Variants in MMP15 observed in about 807,000 individuals in gnomAD.
MMP15 encodes the protein matrix metalloproteinase-15.
MMP15 carries 36 observed loss-of-function variants against 65.0 expected under a neutral mutation model. That is an observed-to-expected ratio of 0.55 (90% confidence interval 0.42 to 0.73). MMP15 has a LOEUF of 0.73. Ranked by LOEUF, MMP15 falls within the 30% of genes least tolerant of loss-of-function variation. The probability of loss-of-function intolerance (pLI) is 0.00; values close to 1 mark genes in which losing one functional copy is unlikely to be tolerated. For synonymous variants in MMP15, 428 were observed against 410.2 expected, an observed-to-expected ratio of 1.04 and a Z score of -0.52; for missense variants, 870 against 987.8, an observed-to-expected ratio of 0.88 and a Z score of 1.60.
rs199777969 is a variant in MMP15, at chr16:58,045,248, G to C, written c.1812G>C (p.Gly604=). The C allele has an allele frequency of 1.4e-4, 229 of 1,607,256 alleles. No homozygotes were observed. In the East Asian group the frequency reaches 4.0e-3, roughly 28 times the overall value. The change falls in exon 10 of 10, where the codon GGG becomes GGC. Residue 604 remains glycine (G), a synonymous_variant. Transcript: ENST00000219271. ...VGDGDGDFGA[G]VNKDGGSRVV... ...ATGGGGATGGGGACTTTGGGGCCGGGGTCAACAAGGACGGGGGCAGCCGCG... is the reference window on the plus strand; with the variant it reads ...ATGGGGATGGGGACTTTGGGGCCGGCGTCAACAAGGACGGGGGCAGCCGCG...
At position 58,038,387 on chromosome 16, in the gene MMP15, A is replaced by G. The variant is rs759686567; in HGVS notation, c.433A>G (p.Thr145Ala). ...TGRKWNNHHLTFSIQNYTEKL... is the reference protein window; with the variant it reads ...TGRKWNNHHLAFSIQNYTEKL... ...GAGGAAGTGGAACAACCACCATCTG[A>G]CCTTTAGGTAGGGGGCTCAGCTGCC... The change falls in exon 3 of 10, where the codon ACC becomes GCC. Residue 145 changes from threonine (T) to alanine (A), a missense_variant. Transcript: ENST00000219271. 2 of 1,613,806 alleles carry G rather than the reference A, an allele frequency of 1.2e-6. No homozygotes were observed. Among genetic ancestry groups the G allele is most frequent in the South Asian group, 2.2e-5 (2 of 91,080 alleles).
chr16:58,041,609 C>T lies in MMP15; in HGVS notation c.911-8C>T, dbSNP rs1959454949. ...AGACCTCACTTCTGAACCCCTGCCT[C>T]TCTGCAGGTACCCCAGACGGTCAGC... On this transcript the variant is annotated splice_polypyrimidine_tract_variant and splice_region_variant and intron_variant, in intron 5 of 9. Coordinates refer to ENST00000219271, the MANE Select transcript of MMP15 (RefSeq NM_002428.4). 3.8e-6 allele frequency: 6 copies of T among 1,570,780 alleles called. No homozygotes were observed. The highest frequency in any genetic ancestry group is 5.2e-6 in the Non-Finnish European group (6 of 1,159,098).
At chr16:58,035,723 T>C (rs2142326546) in intron 1 of MMP15, among the ~76,000 whole-genome samples, 1 of 152,326 alleles carries the variant, frequency 6.6e-6, no homozygotes, top group East Asian at 1.9e-4. Context: ...TGGTGGTTTC[T>C]CAGCTCTGCA....
intron 4 of MMP15, among the ~76,000 whole-genome samples, 170 bp downstream of exon 4, chr16:58,040,352 G>A (rs1959426809): frequency 6.6e-6 from 1 of 152,208 alleles, no homozygotes; most frequent in Non-Finnish European, 1.5e-5. Context: ...ATCTCCAAGG[G>A]GAGGCGAGAA....
chr16:58,026,544 G>T, intron 1 of MMP15, 32 bp downstream of exon 1: 1 of 1,300,086 alleles, frequency 7.7e-7, no homozygotes, highest in Non-Finnish European at 9.8e-7. Context: ...TTGGCTGCGG[G>T]CTGGGGGCTT....
chr16:58,025,808 C>T lies in MMP15; in HGVS notation c.-543C>T, dbSNP rs532168508. On this transcript the variant is annotated 5_prime_UTR_variant, in exon 1 of 10. Coordinates refer to ENST00000219271, the MANE Select transcript of MMP15 (RefSeq NM_002428.4). ...CTGAACTCGCCGGGGACGTCGGGCG[C>T]CCGCTCCTTGGCTGGCTCGCTTGCT... 3 of 151,940 alleles carry T rather than the reference C, an allele frequency of 2.0e-5. No homozygotes were observed. The highest frequency in any genetic ancestry group is 4.4e-5 in the Non-Finnish European group (3 of 67,908). The allele number at this position is 151,940 out of a possible 1,614,324, so 9.4% of individuals were successfully genotyped here.
chr16:58,038,237 G>T (rs775147676), intron 2 of MMP15, 29 bp from the exon 3 acceptor site: 8 of 1,610,650 alleles, frequency 5.0e-6, no homozygotes, highest in South Asian at 1.1e-5. Flanking sequence ...GGGAGGCTCC[G>T]TGCTCACCCC....
At position 58,043,339 on chromosome 16, in the gene MMP15, C is replaced by A. The variant is rs1179208851; in HGVS notation, c.1433C>A (p.Thr478Asn). The change falls in exon 8 of 10, where the codon ACC becomes AAC. Residue 478 changes from threonine (T) to asparagine (N), a missense_variant. By Grantham distance (65) the Thr-to-Asn change is moderately conservative. Transcript: ENST00000219271. ...TAIWWEPTGHTFFFQEDRYWR... is the reference protein window; with the variant it reads ...TAIWWEPTGHNFFFQEDRYWR... The stretch of plus-strand genomic sequence containing the variant: ...ATCTGGTGGGAGCCCACAGGCCACA[C>A]CTTCTTCTTCCAAGAGGACAGGTGA... The A allele has an allele frequency of 1.2e-6, 2 of 1,605,446 alleles. No individual in the cohort carries two copies. Among genetic ancestry groups the A allele is most frequent in the Non-Finnish European group, 1.7e-6 (2 of 1,175,016 alleles).
rs373635835 is a variant in MMP15 at position 58,026,358 on chromosome 16, G to C, written c.8G>C (p.Ser3Thr). The C allele has an allele frequency of 2.2e-6, 3 of 1,356,950 alleles. No homozygotes were observed. Among genetic ancestry groups the C allele is most frequent in the African/African-American group, 3.1e-5 (2 of 65,156 alleles). 84.1% of individuals were successfully genotyped at this position (1,356,950 alleles called of 1,614,324 possible). A position where few individuals can be genotyped will look rare whatever the true frequency, so the allele number is the denominator to read the frequency against. The change falls in exon 1 of 10, where the codon AGC (serine) becomes ACC (threonine). Residue 3 changes from serine to threonine, a missense_variant. By Grantham distance (58) the Ser-to-Thr change is moderately conservative (BLOSUM62 1). Coordinates refer to ENST00000219271, the MANE Select transcript of MMP15 (RefSeq NM_002428.4). MG[S>T]DPSAPGRPGW... ...GGGCTGGGCGCCGAGAGCATGGGCAGCGACCCGAGCGCGCCCGGACGGCCG... is the reference window on the plus strand; with the variant it reads ...GGGCTGGGCGCCGAGAGCATGGGCACCGACCCGAGCGCGCCCGGACGGCCG...
intron 5 of MMP15, chr16:58,040,985 T>G: frequency 2.0e-6 from 1 of 504,238 alleles, no homozygotes; most frequent in Non-Finnish European, 3.6e-6. Context: ...CTTGGCAGTA[T>G]TCTTACTAGA....
intron 1 of MMP15, among the ~76,000 whole-genome samples, chr16:58,028,543 C>G (rs577444132): frequency 6.6e-5 from 10 of 152,316 alleles, no homozygotes; most frequent in African/African-American, 2.4e-4. Flanking sequence ...GCCCATCTGC[C>G]GGGGGCTGTG....
chr16:58,043,752 C>T (rs1257671751), intron 9 of MMP15, 125 bp downstream of exon 9: 22 of 672,630 alleles, frequency 3.3e-5, no homozygotes, highest in African/African-American at 1.1e-4. Flanking sequence ...AGCTGTGTCA[C>T]GCTCTGGGCT....
intron 1 of MMP15, among the ~76,000 whole-genome samples, 176 bp downstream of exon 1, chr16:58,026,688 G>C (rs1296779236): frequency 6.6e-6 from 1 of 152,194 alleles, no homozygotes; most frequent in Non-Finnish European, 1.5e-5. Context: ...CCTCTGCAGC[G>C]CACCTCTTCG....
rs1214031275 is a variant in MMP15, at chr16:58,042,223, C to T, written c.1165-8C>T. ...CTGCGCTGCCCGCTCACACTATGCCCTCCCCAGGGCCGCTGGTTCTGGCGA... is the reference window on the plus strand; with the variant it reads ...CTGCGCTGCCCGCTCACACTATGCCTTCCCCAGGGCCGCTGGTTCTGGCGA... On this transcript the variant is annotated splice_region_variant and splice_polypyrimidine_tract_variant and intron_variant, in intron 6 of 9. Coordinates refer to ENST00000219271, the MANE Select transcript of MMP15 (RefSeq NM_002428.4). The T allele has an allele frequency of 6.2e-7, 1 of 1,611,990 alleles. No homozygotes were observed. The highest frequency in any genetic ancestry group is 1.1e-5 in the South Asian group (1 of 90,854).
rs1242863199 is a variant in MMP15 at position 58,045,183 on chromosome 16, G to A, written c.1747G>A (p.Ala583Thr). 2 of 1,592,438 alleles carry A rather than the reference G, an allele frequency of 1.3e-6. No individual in the cohort carries two copies. The highest frequency in any genetic ancestry group is 1.1e-5 in the South Asian group (1 of 88,532). Residue 583 changes from alanine to threonine, a missense_variant, in exon 10 of 10, where the codon GCA becomes ACA. Ala to Thr is a moderately conservative substitution (Grantham distance 58, BLOSUM62 0). Coordinates refer to ENST00000219271, the MANE Select transcript of MMP15 (RefSeq NM_002428.4). ...GCCGCCCTTCAACCCCCACGGGGGTGCAGAGCCCGGGGCGGACAGCGCAGA... is the reference window on the plus strand; with the variant it reads ...GCCGCCCTTCAACCCCCACGGGGGTACAGAGCCCGGGGCGGACAGCGCAGA... ...ARPPFNPHGGAEPGADSAEGD... is the reference protein window; with the variant it reads ...ARPPFNPHGGTEPGADSAEGD...
intron 5 of MMP15, chr16:58,041,006 C>T (rs548664705): frequency 4.2e-6 from 2 of 471,540 alleles, no homozygotes; most frequent in Non-Finnish European, 7.8e-6. Context: ...CCACAAGTGC[C>T]TGGGGGATCC....
intron 1 of MMP15, among the ~76,000 whole-genome samples, chr16:58,029,893 C>T (rs907492423): frequency 6.6e-6 from 1 of 152,078 alleles, no homozygotes; most frequent in East Asian, 1.9e-4. Flanking sequence ...ACACTGCAGG[C>T]GTGGAAAAGC....
chr16:58,028,634 C>G (rs1963856999), intron 1 of MMP15, among the ~76,000 whole-genome samples: 1 of 152,218 alleles, frequency 6.6e-6, no homozygotes, highest in African/African-American at 2.4e-5. Flanking sequence ...ATCCTCACCC[C>G]AGCATCCACA....
Position 58,044,991 on chromosome 16 carries a change from C to T in MMP15, c.1571-16C>T, listed in dbSNP as rs938438904. ...CGGCTCAACCTGAAGCCACTCTGGC[C>T]TCCTTGCCCCTGCAGCCTACACCTA... On this transcript the variant is annotated splice_polypyrimidine_tract_variant and intron_variant, in intron 9 of 9. Transcript: ENST00000219271. The T allele has an allele frequency of 6.2e-7, 1 of 1,613,128 alleles. No individual in the cohort carries two copies. Among genetic ancestry groups the T allele is most frequent in the Non-Finnish European group, 8.5e-7 (1 of 1,179,856 alleles).
Sources: allele counts gnomAD v4.1 joint callset (sites outside exome capture counted in the v4.1 genomes callset), GRCh38; gene constraint gnomAD v4.1.1; transcripts MANE v1.5; gene names NCBI Gene and HGNC (gene_info 2026-07-23, HGNC 2026-07-21).